WFIKKN2: variants seen among roughly 807,000 people sequenced by gnomAD.
The protein encoded by WFIKKN2 is WAP, follistatin/kazal, immunoglobulin, kunitz and netrin domain containing 2.
In WFIKKN2, 25 loss-of-function variants were observed where a neutral mutation model predicts 39.2. The ratio of observed to expected loss-of-function variants is 0.64; its 90% CI spans 0.47 to 0.89. The LOEUF (loss-of-function observed/expected upper bound fraction) is 0.89, where lower values mean the gene tolerates loss of function less well. Ranked by LOEUF, WFIKKN2 falls within the 40% of genes least tolerant of loss-of-function variation. The pLI, the probability that WFIKKN2 is intolerant of heterozygous loss-of-function variation, is 0.00. For synonymous variants in WFIKKN2, 345 were observed against 329.7 expected (o/e 1.05, Z -0.50); for missense variants, 770 against 811.7 (o/e 0.95, Z 0.62).
rs1007298317 is a variant in WFIKKN2 at position 50,841,873 on chromosome 17, C to T, written c.*854C>T. 2.6e-5 allele frequency: 4 copies of T among 152,180 alleles called. No individual in the cohort carries two copies. Among genetic ancestry groups the T allele is most frequent in the African/African-American group, 9.7e-5 (4 of 41,422 alleles). 9.4% of individuals were successfully genotyped at this position (152,180 alleles called of 1,614,324 possible). A position where few individuals can be genotyped will look rare whatever the true frequency, so the allele number is the denominator to read the frequency against. On this transcript the variant is annotated 3_prime_UTR_variant, in exon 2 of 2. Coordinates refer to ENST00000311378, the MANE Select transcript of WFIKKN2 (RefSeq NM_175575.6). ...GAGTTTCTGTCTGATGGATGGTGTG[C>T]TTTCATATGCCACTGGCTTCCTTGG...
chr17:50,841,643 A>T lies in WFIKKN2; in HGVS notation c.*624A>T, dbSNP rs561439758. On this transcript the variant is annotated 3_prime_UTR_variant, in exon 2 of 2. Coordinates refer to ENST00000311378, the MANE Select transcript of WFIKKN2 (RefSeq NM_175575.6). The stretch of plus-strand genomic sequence containing the variant: ...GGCTTGCCTCTGAGGCCACCACGGC[A>T]CCAGCAGAATACGTATTTCTTCTCC... The T allele has an allele frequency of 2.0e-5, 3 of 152,268 alleles. No individual in the cohort carries two copies. The East Asian group carries it at 5.8e-4, about 29-fold the overall frequency. The allele number at this position is 152,268 out of a possible 1,614,324, so 9.4% of individuals were successfully genotyped here.
intron 1 of WFIKKN2, 29 bp from the exon 2 acceptor site, chr17:50,839,470 G>A: frequency 1.3e-6 from 2 of 1,588,894 alleles, no homozygotes; most frequent in Middle Eastern, 1.7e-4. Flanking sequence ...CCTTCTCCCT[G>A]TTCAGGCCAC....
At chr17:50,836,197 CG>C in intron 1 of WFIKKN2, 50 bp downstream of exon 1, 18 of 1,589,282 alleles carry the variant, frequency 1.1e-5, no homozygotes, top group Non-Finnish European at 1.5e-5. Flanking sequence ...CTGTGAGTGA[CG>C]GGGGTGGGAG....
In WFIKKN2 at chr17:50,840,991, T is replaced by A; in HGVS notation, c.1703T>A (p.Val568Asp). ...GTCATGCACAAGAAGACCTGTGACG[T>A]CCTCAAGGAGTTTCTTGGCTTGCAC... ...REVMHKKTCDVLKEFLGLH is the reference protein window; with the variant it reads ...REVMHKKTCDDLKEFLGLH Residue 568 changes from valine (V) to aspartate (D), a missense_variant, in exon 2 of 2, where the codon GTC (valine) becomes GAC (aspartate). Physicochemically the swap from Val to Asp is radical, Grantham distance 152. Transcript: ENST00000311378. The A allele has an allele frequency of 1.9e-6, 3 of 1,544,086 alleles. No homozygotes were observed. The highest frequency in any genetic ancestry group is 1.7e-6 in the Non-Finnish European group (2 of 1,143,446).
chr17:50,834,911 G>T (rs919777153), upstream of WFIKKN2: 13 of 152,314 alleles, frequency 8.5e-5, no homozygotes, highest in African/African-American at 3.1e-4. Flanking sequence ...GGTCGTCAGC[G>T]AGGGCAGCTG....
chr17:50,840,804 G>A lies in WFIKKN2; in HGVS notation c.1516G>A (p.Val506Ile). 6 of 1,614,142 alleles carry A rather than the reference G, an allele frequency of 3.7e-6. No homozygotes were observed. The highest frequency in any genetic ancestry group is 4.2e-6 in the Non-Finnish European group (5 of 1,180,026). The change falls in exon 2 of 2, where the codon GTC (valine) becomes ATC (isoleucine). Residue 506 changes from valine (V) to isoleucine (I), a missense_variant. Coordinates refer to ENST00000311378, the MANE Select transcript of WFIKKN2 (RefSeq NM_175575.6). ...GTTCCTGGGCCAGGAGCCATTGGAG[G>A]TCACTCTGCTTCACGTGGACTGGGC... is the stretch of plus-strand genomic sequence containing the variant. ...LKFLGQEPLE[V>I]TLLHVDWACP...
intron 1 of WFIKKN2, among the ~76,000 whole-genome samples, chr17:50,838,194 G>A (rs1242221621): frequency 6.6e-6 from 1 of 152,144 alleles, no homozygotes; most frequent in South Asian, 2.1e-4. Flanking sequence ...CCAGCTCTGA[G>A]AGCTGCCCAT....
intron 1 of WFIKKN2, among the ~76,000 whole-genome samples, chr17:50,836,390 T>C (rs1971958822): frequency 6.7e-6 from 1 of 148,442 alleles, no homozygotes; most frequent in African/African-American, 2.5e-5. Context: ...GAAGCCGCAA[T>C]GTGAGATGGA....
At position 50,839,843 on chromosome 17, in the gene WFIKKN2, C is replaced by A; in HGVS notation, c.555C>A (p.Ser185Arg). ...CRYHFTWPNT[S>R]PPPPETTMHP... Reference sequence around the variant, plus strand: ...ATCACTTCACCTGGCCCAACACCAGCCCCCCACCACCTGAGACCACCATGC... The same window carrying A: ...ATCACTTCACCTGGCCCAACACCAGACCCCCACCACCTGAGACCACCATGC... Residue 185 changes from serine to arginine, a missense_variant, in exon 2 of 2, where the codon AGC becomes AGA. Coordinates refer to ENST00000311378, the MANE Select transcript of WFIKKN2 (RefSeq NM_175575.6). The A allele has an allele frequency of 6.2e-7, 1 of 1,614,154 alleles. No homozygotes were observed. The highest frequency in any genetic ancestry group is 8.5e-7 in the Non-Finnish European group (1 of 1,180,012).
rs372245717 is a variant in WFIKKN2, at chr17:50,840,381, C to T, written c.1093C>T (p.Leu365Phe). ...TFTFGHCHRNLNHFETYEACM... is the reference protein window; with the variant it reads ...TFTFGHCHRNFNHFETYEACM... ...CACCTTCGGCCACTGCCACCGTAAC[C>T]TCAACCACTTTGAGACCTATGAGGC... Residue 365 changes from leucine (L) to phenylalanine (F), a missense_variant, in exon 2 of 2, where the codon CTC becomes TTC. Physicochemically the swap from Leu to Phe is conservative, Grantham distance 22. Transcript: ENST00000311378. The T allele has an allele frequency of 6.2e-7, 1 of 1,614,040 alleles. No individual in the cohort carries two copies. The highest frequency in any genetic ancestry group is 1.3e-5 in the African/African-American group (1 of 74,950).
At position 50,840,363 on chromosome 17, in the gene WFIKKN2, G is replaced by A. The variant is rs986601473; in HGVS notation, c.1075G>A (p.Gly359Ser). 10 of 1,613,990 alleles carry A rather than the reference G, an allele frequency of 6.2e-6. No homozygotes were observed. The highest frequency in any genetic ancestry group is 4.0e-5 in the African/African-American group (3 of 74,922). ...QANNCLTFTF[G>S]HCHRNLNHFE... Reference sequence around the variant, plus strand: ...CAACAACTGCCTGACCTTCACCTTCGGCCACTGCCACCGTAACCTCAACCA... The same window carrying A: ...CAACAACTGCCTGACCTTCACCTTCAGCCACTGCCACCGTAACCTCAACCA... Residue 359 changes from glycine to serine, a missense_variant, in exon 2 of 2, where the codon GGC (glycine) becomes AGC (serine). Gly to Ser is a moderately conservative substitution (Grantham distance 56). Coordinates refer to ENST00000311378, the MANE Select transcript of WFIKKN2 (RefSeq NM_175575.6).
chr17:50,839,868 C>T lies in WFIKKN2; in HGVS notation c.580C>T (p.His194Tyr), dbSNP rs1458802295. 1.9e-6 allele frequency: 3 copies of T among 1,614,172 alleles called. No individual in the cohort carries two copies. Among genetic ancestry groups the T allele is most frequent in the Non-Finnish European group, 2.5e-6 (3 of 1,180,026 alleles). ...CCCCCCACCACCTGAGACCACCATG[C>T]ACCCCACCACAGCCTCCCCAGAGAC... Reference protein sequence around the residue: ...TSPPPPETTMHPTTASPETPE... With the variant: ...TSPPPPETTMYPTTASPETPE... Residue 194 changes from histidine (H) to tyrosine (Y), a missense_variant, in exon 2 of 2, where the codon CAC (histidine) becomes TAC (tyrosine). By Grantham distance (83) the His-to-Tyr change is moderately conservative. Coordinates refer to ENST00000311378, the MANE Select transcript of WFIKKN2 (RefSeq NM_175575.6).
In WFIKKN2 at chr17:50,839,714, C is replaced by T. The variant is rs1455099858; in HGVS notation, c.426C>T (p.Pro142=). The change falls in exon 2 of 2, where the codon CCC becomes CCT. Residue 142 remains proline, a synonymous_variant. Coordinates refer to ENST00000311378, the MANE Select transcript of WFIKKN2 (RefSeq NM_175575.6). ...GCAAAGACCGCTGTGAGAAGGAGCC[C>T]AGCTTTACCTGCGCCTCGGACGGCC... The part of the protein sequence containing the change: ...CKCKDRCEKE[P]SFTCASDGLT... 3.1e-6 allele frequency: 5 copies of T among 1,614,108 alleles called. No homozygotes were observed. Among genetic ancestry groups the T allele is most frequent in the Non-Finnish European group, 2.5e-6 (3 of 1,180,042 alleles).
chr17:50,839,522 C>T lies in WFIKKN2; in HGVS notation c.234C>T (p.Cys78=). The T allele has an allele frequency of 1.2e-6, 2 of 1,613,778 alleles. No homozygotes were observed. The highest frequency in any genetic ancestry group is 8.5e-7 in the Non-Finnish European group (1 of 1,179,760). ...AGGAGTGTGAGACCTATGAGAAGTG[C>T]TGCCCCAACGTATGTGGGACCAAGA... ...TDQECETYEK[C]CPNVCGTKSC... The change falls in exon 2 of 2, where the codon TGC becomes TGT. Residue 78 remains cysteine (C), a synonymous_variant. Transcript: ENST00000311378.
Position 50,835,806 on chromosome 17 carries a change from A to G in WFIKKN2, c.-132A>G, listed in dbSNP as rs2143287487. 1.0e-6 allele frequency: 1 copy of G among 977,212 alleles called. No homozygotes were observed. Among genetic ancestry groups the G allele is most frequent in the South Asian group, 1.7e-5 (1 of 58,236 alleles). 60.5% of individuals were successfully genotyped at this position (977,212 alleles called of 1,614,324 possible). On this transcript the variant is annotated 5_prime_UTR_variant, in exon 1 of 2. Transcript: ENST00000311378. Reference sequence around the variant, plus strand: ...GAGGCAGCAGCGGCAGAGCAGCCTGAGCAGCAGCCTGAGCAGGAAACCTGC... The same window carrying G: ...GAGGCAGCAGCGGCAGAGCAGCCTGGGCAGCAGCCTGAGCAGGAAACCTGC...
rs1446379615 is a variant in WFIKKN2 at position 50,840,735 on chromosome 17, G to A, written c.1447G>A (p.Val483Met). The A allele has an allele frequency of 1.2e-6, 2 of 1,613,960 alleles. No individual in the cohort carries two copies. Among genetic ancestry groups the A allele is most frequent in the East Asian group, 2.2e-5 (1 of 44,890 alleles). Residue 483 changes from valine (V) to methionine (M), a missense_variant, in exon 2 of 2, where the codon GTG becomes ATG. Transcript: ENST00000311378. ...TEEPDSGRAL[V>M]TVDEVLKDEK... ...GGAGCCTGACTCGGGCCGCGCCCTG[G>A]TGACTGTGGATGAGGTCCTAAAGGA...
At chr17:50,838,488 G>T (rs1392397789) in intron 1 of WFIKKN2, among the ~76,000 whole-genome samples, 2 of 152,166 alleles carry the variant, frequency 1.3e-5, no homozygotes, top group Non-Finnish European at 2.9e-5. Context: ...CTGCCAAGTG[G>T]GTACGATGTG....
Position 50,835,968 on chromosome 17 carries a change from T to G in WFIKKN2, c.31T>G (p.Ser11Ala). 6.2e-7 allele frequency: 1 copy of G among 1,610,442 alleles called. No homozygotes were observed. Among genetic ancestry groups the G allele is most frequent in the Non-Finnish European group, 8.5e-7 (1 of 1,178,716 alleles). Residue 11 changes from serine (S) to alanine (A), a missense_variant, in exon 1 of 2, where the codon TCT becomes GCT. Ser to Ala is a moderately conservative substitution (Grantham distance 99, BLOSUM62 1). Transcript: ENST00000311378. Reference sequence around the variant, plus strand: ...GGCCCCAAGGTGTCGCCGGTTCTGGTCTCGCTGGGAGCAGGTGGCAGCGCT... The same window carrying G: ...GGCCCCAAGGTGTCGCCGGTTCTGGGCTCGCTGGGAGCAGGTGGCAGCGCT... MWAPRCRRFWSRWEQVAALLL... is the reference protein window; with the variant it reads MWAPRCRRFWARWEQVAALLL...
rs753086954 is a variant in WFIKKN2, at chr17:50,839,722, C to T, written c.434C>T (p.Thr145Ile). The T allele has an allele frequency of 6.8e-6, 11 of 1,614,118 alleles. No homozygotes were observed. Among genetic ancestry groups the T allele is most frequent in the Non-Finnish European group, 6.8e-6 (8 of 1,180,052 alleles). The change falls in exon 2 of 2, where the codon ACC becomes ATC. Residue 145 changes from threonine (T) to isoleucine (I), a missense_variant. Coordinates refer to ENST00000311378, the MANE Select transcript of WFIKKN2 (RefSeq NM_175575.6). ...CGCTGTGAGAAGGAGCCCAGCTTTA[C>T]CTGCGCCTCGGACGGCCTCACCTAC... The part of the protein sequence containing the change: ...KDRCEKEPSF[T>I]CASDGLTYYN...
Sources: allele counts gnomAD v4.1 joint callset (sites outside exome capture counted in the v4.1 genomes callset), GRCh38; gene constraint gnomAD v4.1.1; transcripts MANE v1.5; gene names NCBI Gene and HGNC (gene_info 2026-07-23, HGNC 2026-07-21).